Variants in KCTD19 observed in about 807,000 individuals in gnomAD.
The protein encoded by KCTD19 is BTB/POZ domain-containing protein KCTD19.
KCTD19 carries 67 observed loss-of-function variants against 103.5 expected under a neutral mutation model. The ratio of observed to expected loss-of-function variants is 0.65; its 90% CI spans 0.53 to 0.79. KCTD19 has a LOEUF of 0.79. Among genes scored for constraint, KCTD19 ranks in the 30% least tolerant of loss-of-function variants. The pLI is 0.00. For synonymous variants in KCTD19, 439 were observed against 452.2 expected, an observed-to-expected ratio of 0.97 and a Z score of 0.37; for missense variants, 980 against 1,136.1, an observed-to-expected ratio of 0.86 and a Z score of 1.98.
intron 1 of KCTD19, among the ~76,000 whole-genome samples, chr16:67,322,595 G>C (rs1200736751): frequency 1.3e-5 from 2 of 152,190 alleles, no homozygotes; most frequent in African/African-American, 2.4e-5. Flanking sequence ...ACTGCACCCA[G>C]CCTAAAACCA....
chr16:67,322,033 AC>A (rs969610919), intron 1 of KCTD19: 1 of 152,230 alleles, frequency 6.6e-6, no homozygotes, highest in African/African-American at 2.4e-5. Flanking sequence ...ACAGTGTGCT[AC>A]CAGCATAAGG....
rs763254081 is a variant in KCTD19 at position 67,304,434 on chromosome 16, G to A, written c.438C>T (p.Ser146=). Residue 146 remains serine, a synonymous_variant, in exon 3 of 16, where the codon AGC becomes AGT. Transcript: ENST00000304372. The part of the protein sequence containing the change: ...ISKPSEFPIK[S]PAFTGLHDKA... ...ATCCCAATTCACCTGTAAAGGCTGGGCTTTTAATTGGAAATTCTGAGGGTT... is the reference window on the plus strand; with the variant it reads ...ATCCCAATTCACCTGTAAAGGCTGGACTTTTAATTGGAAATTCTGAGGGTT... 1.9e-6 allele frequency: 3 copies of A among 1,613,952 alleles called. No individual in the cohort carries two copies. Among genetic ancestry groups the A allele is most frequent in the Non-Finnish European group, 2.5e-6 (3 of 1,179,868 alleles).
At position 67,299,402 on chromosome 16, in the gene KCTD19, A is replaced by G. The variant is rs768808484; in HGVS notation, c.947T>C (p.Leu316Pro). ...GAGGACGCCATTCCCTGTGATGTACAGTCGGCTTCCGTCTAGCGTGCTCTC... is the reference window on the plus strand; with the variant it reads ...GAGGACGCCATTCCCTGTGATGTACGGTCGGCTTCCGTCTAGCGTGCTCTC... ...RIESTLDGSR[L>P]YITGNGVLFQ... The change falls in exon 6 of 16, where the codon CTG becomes CCG. Residue 316 changes from leucine to proline, a missense_variant. Leu to Pro is a moderately conservative substitution (Grantham distance 98, BLOSUM62 -3). Transcript: ENST00000304372. The G allele has an allele frequency of 6.2e-7, 1 of 1,614,258 alleles. No homozygotes were observed. Among genetic ancestry groups the G allele is most frequent in the Non-Finnish European group, 8.5e-7 (1 of 1,180,040 alleles).
At chr16:67,311,713 G>C (rs2036951193) in intron 2 of KCTD19, among the ~76,000 whole-genome samples, 1 of 152,056 alleles carries the variant, frequency 6.6e-6, no homozygotes, top group South Asian at 2.1e-4. Context: ...AAGTGTGTGT[G>C]TGTGCCTGTG....
Position 67,301,816 on chromosome 16 carries a change from G to A in KCTD19, c.750C>T (p.Ala250=), listed in dbSNP as rs764750882. 3.2e-5 allele frequency: 52 copies of A among 1,613,832 alleles called. No homozygotes were observed. Among genetic ancestry groups the A allele is most frequent in the East Asian group, 8.9e-5 (4 of 44,886 alleles). ...EILEIPALTE[A]VRWYRMNMGG... ...CCATGTTCATCCGGTACCACCTTAC[G>A]GCTTCAGTGAGTGCAGGGATTTCCA... Residue 250 remains alanine, a synonymous_variant, in exon 5 of 16, where the codon GCC becomes GCT. Coordinates refer to ENST00000304372, the MANE Select transcript of KCTD19 (RefSeq NM_001100915.3).
intron 2 of KCTD19, among the ~76,000 whole-genome samples, chr16:67,310,126 A>T (rs953038602): frequency 6.6e-6 from 1 of 152,090 alleles, no homozygotes; most frequent in Non-Finnish European, 1.5e-5. Context: ...CAAGTCCTCT[A>T]CTCACGGAAA....
Position 67,290,898 on chromosome 16 carries a change from T to C in KCTD19, c.2654A>G (p.Tyr885Cys). ...AGTGGCCCTCACCTCCACCCAGCTG[T>C]ACAGGCGCTCCTGGGTGTGCCGGTC... ...KDDRHTQERLYSWVELTLPFA... is the reference protein window; with the variant it reads ...KDDRHTQERLCSWVELTLPFA... The change falls in exon 15 of 16, where the codon TAC becomes TGC. Residue 885 changes from tyrosine to cysteine, a missense_variant. Transcript: ENST00000304372. 1 of 1,613,354 alleles carries C rather than the reference T, an allele frequency of 6.2e-7. No individual in the cohort carries two copies. The highest frequency in any genetic ancestry group is 8.5e-7 in the Non-Finnish European group (1 of 1,179,786).
rs768020806 is a variant in KCTD19, at chr16:67,297,489, G to T, written c.1147+14C>A. The T allele has an allele frequency of 1.2e-6, 2 of 1,613,178 alleles. No individual in the cohort carries two copies. The highest frequency in any genetic ancestry group is 1.7e-6 in the Non-Finnish European group (2 of 1,179,404). On this transcript the variant is annotated intron_variant, in intron 7 of 15. Transcript: ENST00000304372. Reference sequence around the variant, plus strand: ...CCTGATGCTAAATTCAAACCTAGAAGCTTTCTCACTTACTGAGCACATCCA... The same window carrying T: ...CCTGATGCTAAATTCAAACCTAGAATCTTTCTCACTTACTGAGCACATCCA...
chr16:67,290,986 T>C lies in KCTD19; in HGVS notation c.2566A>G (p.Thr856Ala), dbSNP rs1257831164. Reference sequence around the variant, plus strand: ...AACTGCTTGGGGCTGATGTGCAGGGTCTGCCAGGAGAGCCCACAGTCAGGC... The same window carrying C: ...AACTGCTTGGGGCTGATGTGCAGGGCCTGCCAGGAGAGCCCACAGTCAGGC... ...KVVSLANRLWTLHISPKQFVV... is the reference protein window; with the variant it reads ...KVVSLANRLWALHISPKQFVV... The change falls in exon 15 of 16, where the codon ACC becomes GCC. Residue 856 changes from threonine to alanine, a missense_variant and splice_region_variant. By Grantham distance (58) the Thr-to-Ala change is moderately conservative. Transcript: ENST00000304372. 1 of 1,613,942 alleles carries C rather than the reference T, an allele frequency of 6.2e-7. No homozygotes were observed. Among genetic ancestry groups the C allele is most frequent in the Admixed American group, 1.7e-5 (1 of 60,006 alleles).
In KCTD19 at chr16:67,295,003, G is replaced by C; in HGVS notation, c.1445C>G (p.Ser482Ter). 1 of 1,613,832 alleles carries C rather than the reference G, an allele frequency of 6.2e-7. No individual in the cohort carries two copies. Among genetic ancestry groups the C allele is most frequent in the Non-Finnish European group, 8.5e-7 (1 of 1,179,714 alleles). ...EVEEYHIPSL[S>*]EALAQCEAYK... The stretch of plus-strand genomic sequence containing the variant: ...TGCTTCACATTGTGCAAGGGCTTCT[G>C]AGAGGGATGGAATGTGGTATTCCTC... The change falls in exon 10 of 16, where the codon TCA becomes TGA. Residue 482 changes from serine (S) to a stop codon, truncating the protein, a stop_gained. Coordinates refer to ENST00000304372, the MANE Select transcript of KCTD19 (RefSeq NM_001100915.3). LOFTEE classifies it high-confidence loss of function.
chr16:67,301,756 T>G lies in KCTD19; in HGVS notation c.775+35A>C, dbSNP rs753048083. On this transcript the variant is annotated intron_variant, in intron 5 of 15. Coordinates refer to ENST00000304372, the MANE Select transcript of KCTD19 (RefSeq NM_001100915.3). ...TGGCTTTTCCAGGTCAAGCCAAGACTGTCGAGGGGGAGCCAAGGTTTCCTG... is the reference window on the plus strand; with the variant it reads ...TGGCTTTTCCAGGTCAAGCCAAGACGGTCGAGGGGGAGCCAAGGTTTCCTG... The G allele has an allele frequency of 2.7e-5, 44 of 1,607,458 alleles. 1 individual carries two copies. The South Asian group carries it at 4.3e-4, about 16-fold the overall frequency.
Position 67,293,601 on chromosome 16 carries a change from G to A in KCTD19, c.2161C>T (p.Pro721Ser). 1 of 1,613,654 alleles carries A rather than the reference G, an allele frequency of 6.2e-7. No individual in the cohort carries two copies. Among genetic ancestry groups the A allele is most frequent in the Non-Finnish European group, 8.5e-7 (1 of 1,179,992 alleles). The change falls in exon 12 of 16, where the codon CCC becomes TCC. Residue 721 changes from proline to serine, a missense_variant. Transcript: ENST00000304372. The surrounding 1 kb of genome is among the most constrained non-coding windows in gnomAD (Gnocchi z 4.0). ...GPEPTFKPYL[P>S]PKRAGTLKDW... ...TTCAGGGTGCCAGCTCTTTTTGGGGGTAAGTATGGCTTGAAGGTTGGCTCT... is the reference window on the plus strand; with the variant it reads ...TTCAGGGTGCCAGCTCTTTTTGGGGATAAGTATGGCTTGAAGGTTGGCTCT...
intron 2 of KCTD19, among the ~76,000 whole-genome samples, chr16:67,310,638 C>G (rs936600391): frequency 1.3e-5 from 2 of 152,166 alleles, no homozygotes; most frequent in Admixed American, 1.3e-4. Flanking sequence ...CAATCAGAAG[C>G]AACATAAAAC....
At chr16:67,299,644 G>A (rs778014260) in intron 5 of KCTD19, 71 bp from the exon 6 acceptor site, 7 of 1,288,386 alleles carry the variant, frequency 5.4e-6, no homozygotes, top group East Asian at 2.3e-5. Flanking sequence ...TTTGGGGCTC[G>A]GTTCCTACTG....
intron 2 of KCTD19, among the ~76,000 whole-genome samples, chr16:67,308,780 GT>G (rs1352666748): frequency 6.6e-6 from 1 of 152,090 alleles, no homozygotes; most frequent in Admixed American, 6.6e-5. Context: ...GGAGAGGCTG[GT>G]TTGATGCATC....
chr16:67,321,399 ACAT>A (rs1267901979), intron 1 of KCTD19, among the ~76,000 whole-genome samples: 1 of 152,222 alleles, frequency 6.6e-6, no homozygotes, highest in Non-Finnish European at 1.5e-5. Context: ...AAACTTCAAA[ACAT>A]TGTTGAAAAT....
rs1567447329 is a variant in KCTD19, at chr16:67,293,991, AGT to A, written c.1769_1770del (p.His590LeufsTer16). ...CCAGGATTGGTACACAAGCCACGGC[AGT>A]GTGAGTATGTGCTAGGGTTGCCAGC... ...KRAGNPSTYSHCRGLCTNPGH... is the reference protein window; with the variant it reads ...KRAGNPSTYSXCRGLCTNPGH... On this transcript the variant is annotated frameshift_variant, in exon 12 of 16. Coordinates refer to ENST00000304372, the MANE Select transcript of KCTD19 (RefSeq NM_001100915.3). LOFTEE classifies it high-confidence loss of function. This position sits in a 1 kb window ranked among gnomAD's most constrained non-coding sequence, Gnocchi z 4.0. The A allele has an allele frequency of 6.2e-7, 1 of 1,614,150 alleles. No individual in the cohort carries two copies. The highest frequency in any genetic ancestry group is 8.5e-7 in the Non-Finnish European group (1 of 1,180,016).
In KCTD19 at chr16:67,303,447, A is replaced by G. The variant is rs535317552; in HGVS notation, c.452-110T>C. 45 of 752,116 alleles carry G rather than the reference A, an allele frequency of 6.0e-5. 2 individuals are homozygous for G. The South Asian group carries it at 8.9e-4, about 15-fold the overall frequency. 46.6% of individuals were successfully genotyped at this position (752,116 alleles called of 1,614,324 possible). ...CCAGAGGATGCTAGAGAGACCCCCC[A>G]GGATATGGTCCTTGCCACTTGCCAG... is the stretch of plus-strand genomic sequence containing the variant. On this transcript the variant is annotated intron_variant, in intron 3 of 15. Transcript: ENST00000304372. The surrounding 1 kb of genome is among the most constrained non-coding windows in gnomAD (Gnocchi z 4.3).
At chr16:67,294,559 C>T (rs371235068) in intron 11 of KCTD19, 21 bp downstream of exon 11, 14 of 1,548,770 alleles carry the variant, frequency 9.0e-6, no homozygotes, top group Non-Finnish European at 1.2e-5. Flanking sequence ...ATAACACCAA[C>T]CAGAGGAGGC....
Sources: allele counts gnomAD v4.1 joint callset (sites outside exome capture counted in the v4.1 genomes callset), GRCh38; gene constraint gnomAD v4.1.1; non-coding constraint Gnocchi (gnomAD v3.1); transcripts MANE v1.5; gene names NCBI Gene and HGNC (gene_info 2026-07-23, HGNC 2026-07-21).